Variants in RASA1 observed in about 807,000 individuals in gnomAD.
RASA1 encodes RAS p21 protein activator 1.
In RASA1, 25 loss-of-function variants were observed where a neutral mutation model predicts 132.2. The ratio of observed to expected loss-of-function variants is 0.19; its 90% confidence interval spans 0.14 to 0.26. The LOEUF (loss-of-function observed/expected upper bound fraction) is 0.26. Among genes scored for constraint, RASA1 ranks in the 10% least tolerant of loss-of-function variants. RASA1 has a pLI of 1.00. For missense variants in RASA1, 964 were observed against 1,299.2 expected, an observed-to-expected ratio of 0.74 and a Z score of 3.97; for synonymous variants, 477 against 449.9, an observed-to-expected ratio of 1.06 and a Z score of -0.76.
intron 1 of RASA1, among the ~76,000 whole-genome samples, chr5:87,316,398 T>C (rs940204413): frequency 6.6e-6 from 1 of 152,236 alleles, no homozygotes; most frequent in African/African-American, 2.4e-5. Flanking sequence ...CTTATTCCGA[T>C]TCCCAGGTTA....
chr5:87,268,739 TGGTGCTGCTGCTGGCGTGGCC>T lies in RASA1; in HGVS notation c.299_319del (p.Ala100_Ala106del), dbSNP rs771844907. The T allele has an allele frequency of 6.8e-6, 11 of 1,613,108 alleles. No individual in the cohort carries two copies. Among genetic ancestry groups the T allele is most frequent in the East Asian group, 2.2e-5 (1 of 44,878 alleles). On this transcript the variant is annotated inframe_deletion, in exon 1 of 25. Coordinates refer to ENST00000274376, the MANE Select transcript of RASA1 (RefSeq NM_002890.3). ...GGGGAGGTACTGCTGCTGGCGTAGCTGGTGCTGCTGCTGGCGTGGCCGGTGCTGCTGTTGCTGGACCTAGTG... is the reference window on the plus strand; with the variant it reads ...GGGGAGGTACTGCTGCTGGCGTAGCTGGTGCTGCTGTTGCTGGACCTAGTG...
At chr5:87,381,179 T>C (rs1336725817) in intron 20 of RASA1, among the ~76,000 whole-genome samples, 6 of 152,222 alleles carry the variant, frequency 3.9e-5, no homozygotes. Flanking sequence ...GTAAGGTTAC[T>C]TCATTATCAT....
At position 87,333,340 on chromosome 5, in the gene RASA1, A is replaced by AT. The variant is rs753946710; in HGVS notation, c.899+7dup. 3.7e-6 allele frequency: 6 copies of AT among 1,612,968 alleles called. No individual in the cohort carries two copies. In the South Asian group the frequency reaches 6.6e-5, roughly 18 times the overall value. On this transcript the variant is annotated splice_donor_region_variant and intron_variant, in intron 4 of 24. Coordinates refer to ENST00000274376, the MANE Select transcript of RASA1 (RefSeq NM_002890.3). ...GTACCAGACACTGATGAAATAAGGT[A>AT]TTTTATAATCTATTCTCATGTATAG...
At chr5:87,372,245 CTT>C (rs746431216) in intron 13 of RASA1, 50 bp downstream of exon 13, 3 of 1,517,376 alleles carry the variant, frequency 2.0e-6, no homozygotes, top group Non-Finnish European at 2.7e-6. Context: ...TGCTCTAACA[CTT>C]TGCTCTTTTT....
chr5:87,338,573 T>C (rs1335943074), intron 5 of RASA1, among the ~76,000 whole-genome samples: 1 of 143,420 alleles, frequency 7.0e-6, no homozygotes, highest in Non-Finnish European at 1.5e-5. Flanking sequence ...GGTTTTACCA[T>C]GTTGGCCAGG....
intron 1 of RASA1, among the ~76,000 whole-genome samples, chr5:87,301,180 G>C (rs1755343769): frequency 6.6e-6 from 1 of 152,072 alleles, no homozygotes; most frequent in Admixed American, 6.6e-5. Context: ...GTTTAGTGTA[G>C]ATATAATTTT....
intron 7 of RASA1, among the ~76,000 whole-genome samples, chr5:87,347,049 A>G (rs958292333): frequency 6.6e-6 from 1 of 152,038 alleles, no homozygotes; most frequent in Non-Finnish European, 1.5e-5. Context: ...ATACACAGAC[A>G]GGAACATGCA....
chr5:87,346,751 A>T (rs372279420), intron 7 of RASA1, 27 bp downstream of exon 7: 1 of 1,470,790 alleles, frequency 6.8e-7, no homozygotes, highest in African/African-American at 1.4e-5. Context: ...TTGCTTTTCT[A>T]ATGTCTATTT....
chr5:87,349,264 G>C lies in RASA1; in HGVS notation c.1153G>C (p.Asp385His). The C allele has an allele frequency of 6.2e-7, 1 of 1,612,050 alleles. No homozygotes were observed. Residue 385 changes from aspartate to histidine, a missense_variant, in exon 8 of 25, where the codon GAT becomes CAT. Around this residue, in one of 6 missense-constraint regions of RASA1, gnomAD observed 154 missense variants for 286.5 expected, o/e 0.54. Coordinates refer to ENST00000274376, the MANE Select transcript of RASA1 (RefSeq NM_002890.3). Reference sequence around the variant, plus strand: ...GAGGCCCTCAGATAATACTCCTGGCGATTATTCACTTTATTTCCGGACCAA... The same window carrying C: ...GAGGCCCTCAGATAATACTCCTGGCCATTATTCACTTTATTTCCGGACCAA... ...LVRPSDNTPG[D>H]YSLYFRTNEN...
At chr5:87,302,219 T>C (rs1755395920) in intron 1 of RASA1, among the ~76,000 whole-genome samples, 1 of 152,122 alleles carries the variant, frequency 6.6e-6, no homozygotes, top group South Asian at 2.1e-4. Flanking sequence ...GTTTACCCTT[T>C]TCATTGTAGT....
chr5:87,386,775 C>G (rs1184264295), intron 22 of RASA1, 51 bp from the exon 23 acceptor site: 3 of 1,510,112 alleles, frequency 2.0e-6, no homozygotes, highest in East Asian at 2.3e-5. Flanking sequence ...CCTAATAGAT[C>G]AAACAGTGGT....
intron 5 of RASA1, among the ~76,000 whole-genome samples, chr5:87,338,482 C>T (rs931183850): frequency 6.9e-5 from 9 of 130,546 alleles, no homozygotes; most frequent in Non-Finnish European, 1.6e-5. Context: ...CAGACATGTG[C>T]CACCATGCCC....
Position 87,304,776 on chromosome 5 carries a change from C to T in RASA1, c.540-26572C>T, listed in dbSNP as rs147866953. On this transcript the variant is annotated intron_variant, in intron 1 of 24. Transcript: ENST00000274376. ...AGCCATCGTGCCGGCCTATTGTACA[C>T]ATTTTAATATTCATTAGATATTACT... 7.0e-3 allele frequency among the ~76,000 whole-genome samples: 1,064 copies of T among 152,218 alleles called. 5 individuals are homozygous for T. Among genetic ancestry groups the T allele is most frequent in the African/African-American group, 0.016 (677 of 41,528 alleles).
intron 18 of RASA1, among the ~76,000 whole-genome samples, chr5:87,379,302 T>C (rs1580392557): frequency 6.6e-6 from 1 of 152,152 alleles, no homozygotes; most frequent in African/African-American, 2.4e-5. Flanking sequence ...CTCTGGACTT[T>C]AGAGATAGGC....
chr5:87,363,421 C>T lies in RASA1; in HGVS notation c.1527C>T (p.Ser509=), dbSNP rs777268855. 3.7e-6 allele frequency: 6 copies of T among 1,610,396 alleles called. No homozygotes were observed. The East Asian group carries it at 6.7e-5, about 18-fold the overall frequency. ...GSDAQLIYFE[S]EKRATKPKGL... is the part of the protein sequence containing the mutation. ...ATGCCCAACTTATTTATTTTGAAAG[C>T]GAAAAACGAGCTACCAAACCAAAAG... The change falls in exon 11 of 25, where the codon AGC becomes AGT. Residue 509 remains serine (S), a synonymous_variant. Transcript: ENST00000274376.
intron 1 of RASA1, among the ~76,000 whole-genome samples, chr5:87,275,845 G>A (rs938213612): frequency 4.6e-5 from 7 of 152,168 alleles, no homozygotes; most frequent in Non-Finnish European, 7.3e-5. Context: ...TGCGATTACA[G>A]GCATGAGCCA....
intron 1 of RASA1, among the ~76,000 whole-genome samples, chr5:87,273,886 C>T (rs1018918697): frequency 2.0e-5 from 3 of 151,956 alleles, no homozygotes; most frequent in Non-Finnish European, 2.9e-5. Flanking sequence ...TTAGTAGAGA[C>T]GGGGTTTCAC....
At chr5:87,285,625 T>G (rs999267787) in intron 1 of RASA1, among the ~76,000 whole-genome samples, 1 of 149,530 alleles carries the variant, frequency 6.7e-6, no homozygotes, top group Non-Finnish European at 1.5e-5. Context: ...TTTCTTTTTT[T>G]TTTTTTTTTT....
intron 1 of RASA1, among the ~76,000 whole-genome samples, chr5:87,329,397 G>A (rs552529592): frequency 1.3e-5 from 2 of 152,082 alleles, no homozygotes; most frequent in East Asian, 1.9e-4. Flanking sequence ...AGCTGAGATC[G>A]TACCAGTGTA....
Sources: gnomAD v4.1 joint callset for allele counts (sites outside exome capture counted in the v4.1 genomes callset) on GRCh38, gnomAD v4.1.1 for gene constraint, gnomAD v4.1.1 regional missense constraint, MANE v1.5 for transcripts, NCBI Gene and HGNC (gene_info 2026-07-23, HGNC 2026-07-21) for gene names.